Variants in SETD3 observed in about 807,000 individuals in gnomAD.
The protein encoded by SETD3 is actin-histidine N-methyltransferase.
A neutral mutation model predicts 63.0 loss-of-function variants in SETD3; 19 were observed. That is an observed-to-expected ratio of 0.30 (90% CI 0.21 to 0.44). The LOEUF is 0.44. SETD3 is among the 20% of genes least tolerant of loss of function. SETD3 has a pLI of 1.00. For missense variants in SETD3, 587 were observed against 728.5 expected, an observed-to-expected ratio of 0.81 and a Z score of 2.24; for synonymous variants, 286 against 264.1, an observed-to-expected ratio of 1.08 and a Z score of -0.80.
At chr14:99,420,713 T>TAAAC (rs1892539043) in intron 6 of SETD3, among the ~76,000 whole-genome samples, 1 of 152,088 alleles carries the variant, frequency 6.6e-6, no homozygotes, top group Admixed American at 6.6e-5. Context: ...AATCTCTCTT[T>TAAAC]AAACACATTT....
chr14:99,461,235 A>T lies in SETD3; in HGVS notation c.302T>A (p.Phe101Tyr). Reference protein sequence around the residue: ...ASVEGFEMVNFKEEGFGLRAT... With the variant: ...ASVEGFEMVNYKEEGFGLRAT... Reference sequence around the variant, plus strand: ...TCTCAAACCAAAGCCCTCTTCTTTGAAGTTAACCATTTCAAAACCCTCGAC... The same window carrying T: ...TCTCAAACCAAAGCCCTCTTCTTTGTAGTTAACCATTTCAAAACCCTCGAC... The change falls in exon 4 of 13, where the codon TTC (phenylalanine) becomes TAC (tyrosine). Residue 101 changes from phenylalanine to tyrosine, a missense_variant. By Grantham distance (22) the Phe-to-Tyr change is conservative. Coordinates refer to ENST00000331768, the MANE Select transcript of SETD3 (RefSeq NM_032233.3). 6.2e-7 allele frequency: 1 copy of T among 1,614,202 alleles called. No homozygotes were observed. Among genetic ancestry groups the T allele is most frequent in the Non-Finnish European group, 8.5e-7 (1 of 1,180,046 alleles).
At chr14:99,481,618 C>A, upstream of SETD3, 1 of 394,846 alleles carries the variant, frequency 2.5e-6, no homozygotes, top group Non-Finnish European at 4.5e-6. Flanking sequence ...ACCTCCGGTA[C>A]ACATTGAACT....
rs541574907 is a variant in SETD3 at position 99,404,451 on chromosome 14, A to G, written c.1092-141T>C. On this transcript the variant is annotated intron_variant, in intron 10 of 12. Coordinates refer to ENST00000331768, the MANE Select transcript of SETD3 (RefSeq NM_032233.3). ...ATGGGTCATTCCAGCTCCTCATCTC[A>G]ACTGTGAGCACGATTTTCAGCCCCT... The G allele has an allele frequency of 1.3e-4, 93 of 693,534 alleles. No individual in the cohort carries two copies. The East Asian group carries it at 2.5e-3, about 18-fold the overall frequency. 43.0% of individuals were successfully genotyped at this position (693,534 alleles called of 1,614,324 possible). A position where few individuals can be genotyped will look rare whatever the true frequency, so the allele number is the denominator to read the frequency against.
At chr14:99,446,437 G>C (rs1894133902) in intron 6 of SETD3, among the ~76,000 whole-genome samples, 2 of 152,190 alleles carry the variant, frequency 1.3e-5, no homozygotes, top group Non-Finnish European at 2.9e-5. Context: ...AGTAAGAAAA[G>C]TCTTACCGTG....
intron 3 of SETD3, among the ~76,000 whole-genome samples, chr14:99,462,839 A>G (rs536178860): frequency 5.3e-5 from 8 of 152,342 alleles, no homozygotes; most frequent in Non-Finnish European, 1.2e-4. Flanking sequence ...ACAATAAGAA[A>G]GGGCCCCACA....
Position 99,398,773 on chromosome 14 carries a change from C to T in SETD3, c.1691G>A (p.Arg564Lys). The T allele has an allele frequency of 6.2e-7, 1 of 1,614,172 alleles. No homozygotes were observed. Among genetic ancestry groups the T allele is most frequent in the East Asian group, 2.2e-5 (1 of 44,880 alleles). ...TTGATTGAGACTTTCATTTTCGGAC[C>T]TGGTCCCATTAGGGATAGAGTTTTC... ...NGENSIPNGT[R>K]SENESLNQES... The change falls in exon 13 of 13, where the codon AGG (arginine) becomes AAG (lysine). Residue 564 changes from arginine (R) to lysine (K), a missense_variant. Coordinates refer to ENST00000331768, the MANE Select transcript of SETD3 (RefSeq NM_032233.3).
At chr14:99,464,390 A>G (rs991721375) in intron 2 of SETD3, among the ~76,000 whole-genome samples, 1 of 152,242 alleles carries the variant, frequency 6.6e-6, no homozygotes, top group African/African-American at 2.4e-5. Flanking sequence ...ACACACGCTG[A>G]GTCTTAACTA....
At chr14:99,435,759 T>G (rs1893446319) in intron 6 of SETD3, among the ~76,000 whole-genome samples, 1 of 122,262 alleles carries the variant, frequency 8.2e-6, no homozygotes, top group African/African-American at 3.4e-5. Flanking sequence ...TTTTTTTTTT[T>G]GTAAGTATGG....
chr14:99,403,451 ACACACTCTCTCTCTCT>A (rs1296252856), intron 11 of SETD3, among the ~76,000 whole-genome samples: 2 of 107,048 alleles, frequency 1.9e-5, no homozygotes, highest in African/African-American at 8.2e-5. Context: ...ACACACACAC[ACACACTCTCTCTCTCT>A]CTCTCTCTCT....
intron 6 of SETD3, among the ~76,000 whole-genome samples, chr14:99,456,593 C>T (rs78273955): frequency 3.0e-4 from 45 of 152,208 alleles, no homozygotes; most frequent in Non-Finnish European, 5.9e-4. Flanking sequence ...ACAATGACAC[C>T]GTTTATTACA....
At chr14:99,441,533 A>G (rs900387481) in intron 6 of SETD3, among the ~76,000 whole-genome samples, 9 of 152,264 alleles carry the variant, frequency 5.9e-5, no homozygotes, top group African/African-American at 2.2e-4. Context: ...CATCTGCAAG[A>G]GGACAAAACC....
intron 1 of SETD3, among the ~76,000 whole-genome samples, chr14:99,476,482 A>G (rs899040505): frequency 6.6e-6 from 1 of 152,276 alleles, no homozygotes; most frequent in African/African-American, 2.4e-5. Context: ...GCTTCCATCC[A>G]GTCCACCATA....
upstream of SETD3, among the ~76,000 whole-genome samples, chr14:99,482,053 G>C (rs1056249209): frequency 1.3e-5 from 2 of 152,182 alleles, no homozygotes; most frequent in East Asian, 3.9e-4. Context: ...TTTGTTATGA[G>C]AGAAATTGTT....
chr14:99,405,085 G>T, intron 10 of SETD3, 120 bp downstream of exon 10: 1 of 1,372,038 alleles, frequency 7.3e-7, no homozygotes, highest in Non-Finnish European at 9.8e-7. Flanking sequence ...GTGCCACGGG[G>T]ATAAACGGAT....
intron 6 of SETD3, among the ~76,000 whole-genome samples, chr14:99,424,797 C>G (rs1231753952): frequency 6.6e-6 from 1 of 152,120 alleles, no homozygotes; most frequent in South Asian, 2.1e-4. Context: ...CCAGGAAGAG[C>G]TGAGACACAG....
chr14:99,476,345 T>C (rs914792070), intron 1 of SETD3, among the ~76,000 whole-genome samples: 11 of 152,234 alleles, frequency 7.2e-5, no homozygotes, highest in African/African-American at 2.7e-4. Context: ...CTTGCACTGA[T>C]AAAACATACG....
intron 10 of SETD3, among the ~76,000 whole-genome samples, chr14:99,404,558 C>T (rs1000091953): frequency 6.6e-6 from 1 of 152,222 alleles, no homozygotes; most frequent in African/African-American, 2.4e-5. Flanking sequence ...TAGAGCCTAA[C>T]AGCTGTAATC....
chr14:99,413,936 T>G lies in SETD3; in HGVS notation c.676-2A>C. Reference sequence around the variant, plus strand: ...TAGTTTGTTGGCATGAGGATGGGTCTGGGAATTAGAAGTTTTAGAAAGCAG... The same window carrying G: ...TAGTTTGTTGGCATGAGGATGGGTCGGGGAATTAGAAGTTTTAGAAAGCAG... On this transcript the variant is annotated splice_acceptor_variant, in intron 6 of 12. Coordinates refer to ENST00000331768, the MANE Select transcript of SETD3 (RefSeq NM_032233.3). LOFTEE classifies it high-confidence loss of function. The G allele has an allele frequency of 6.2e-7, 1 of 1,613,812 alleles. No individual in the cohort carries two copies. Among genetic ancestry groups the G allele is most frequent in the African/African-American group, 1.3e-5 (1 of 75,012 alleles).
At chr14:99,438,290 T>C (rs1893601821) in intron 6 of SETD3, among the ~76,000 whole-genome samples, 2 of 152,192 alleles carry the variant, frequency 1.3e-5, no homozygotes, top group Admixed American at 6.5e-5. Flanking sequence ...AGCCTATAAT[T>C]TAAGAATAAA....
Sources: allele counts gnomAD v4.1 joint callset (sites outside exome capture counted in the v4.1 genomes callset), GRCh38; gene constraint gnomAD v4.1.1; transcripts MANE v1.5; gene names NCBI Gene and HGNC (gene_info 2026-07-23, HGNC 2026-07-21).